The following RRM2B variants were observed in gnomAD, a reference collection of about 807,000 sequenced individuals.
The protein encoded by RRM2B is ribonucleotide reductase regulatory TP53 inducible subunit M2B.
In RRM2B, 20 loss-of-function variants were observed where a neutral mutation model predicts 45.9. The observed-to-expected ratio is 0.44, with a 90% CI of 0.31 to 0.63. RRM2B has a LOEUF of 0.63. RRM2B is among the 30% of genes least tolerant of loss of function. RRM2B has a pLI of 0.09. For missense variants in RRM2B, 320 were observed against 414.7 expected, an observed-to-expected ratio of 0.77 and a Z score of 1.98; for synonymous variants, 124 against 132.3, an observed-to-expected ratio of 0.94 and a Z score of 0.43.
intron 5 of RRM2B, among the ~76,000 whole-genome samples, chr8:102,223,695 CA>C (rs764014539): frequency 0.28 from 21,407 of 75,146 alleles, 757 homozygotes; most frequent in Non-Finnish European, 0.31. Context: ...GACTCCGTCT[CA>C]AAAAAAAAAA....
At chr8:102,238,621 G>T (rs1372610523) in intron 1 of RRM2B, 1 of 1,530,904 alleles carries the variant, frequency 6.5e-7, no homozygotes, top group Admixed American at 2.0e-5. Flanking sequence ...CGAGCGGGAC[G>T]CAAACCCAAA....
chr8:102,228,525 G>C (rs28498487), intron 2 of RRM2B, among the ~76,000 whole-genome samples: 5,442 of 152,340 alleles, frequency 0.036, 164 homozygotes, highest in African/African-American at 0.083. Flanking sequence ...AAAAGGCAGA[G>C]GGCCCACTGA....
At chr8:102,222,040 A>C (rs1244626979) in intron 5 of RRM2B, among the ~76,000 whole-genome samples, 1 of 152,050 alleles carries the variant, frequency 6.6e-6, no homozygotes, top group Non-Finnish European at 1.5e-5. Context: ...GATGACTTTT[A>C]CATATATTGA....
Position 102,205,019 on chromosome 8 carries a change from G to A in RRM2B, c.*3114C>T, listed in dbSNP as rs535958433. ...TTACAAAGGAGCAGAGCACTTAAAG[G>A]GAAATGGTGGGAAACAAAGAGATTT... On this transcript the variant is annotated 3_prime_UTR_variant, in exon 9 of 9. Coordinates refer to ENST00000251810, the MANE Select transcript of RRM2B (RefSeq NM_015713.5). 1.3e-5 allele frequency: 2 copies of A among 152,224 alleles called. No homozygotes were observed. The highest frequency in any genetic ancestry group is 6.5e-5 in the Admixed American group (1 of 15,302). The allele number at this position is 152,224 out of a possible 1,614,324, so 9.4% of individuals were successfully genotyped here. A position where few individuals can be genotyped will look rare whatever the true frequency, so the allele number is the denominator to read the frequency against.
chr8:102,207,976 A>T lies in RRM2B; in HGVS notation c.*157T>A. The T allele has an allele frequency of 1.6e-6, 1 of 616,860 alleles. No homozygotes were observed. The highest frequency in any genetic ancestry group is 2.8e-6 in the Non-Finnish European group (1 of 352,160). The allele number at this position is 616,860 out of a possible 1,614,324, so 38.2% of individuals were successfully genotyped here. ...CACACTCTTGTTGTTAAACAGGAAA[A>T]TTATATAAATGCAAATTGTTTAGAA... On this transcript the variant is annotated 3_prime_UTR_variant, in exon 9 of 9. Coordinates refer to ENST00000251810, the MANE Select transcript of RRM2B (RefSeq NM_015713.5).
intron 2 of RRM2B, among the ~76,000 whole-genome samples, chr8:102,226,777 G>A (rs892573608): frequency 1.3e-5 from 2 of 152,164 alleles, no homozygotes; most frequent in Non-Finnish European, 2.9e-5. Context: ...GCAGTGGCAT[G>A]ATCTTGGCTC....
intron 1 of RRM2B, among the ~76,000 whole-genome samples, chr8:102,237,441 G>T (rs1811140026): frequency 6.6e-6 from 1 of 152,188 alleles, no homozygotes; most frequent in African/African-American, 2.4e-5. Flanking sequence ...GATTCACTAT[G>T]TTTGGGGTGT....
chr8:102,233,889 T>C (rs574996059), intron 1 of RRM2B, among the ~76,000 whole-genome samples: 126 of 152,304 alleles, frequency 8.3e-4, no homozygotes, highest in African/African-American at 2.0e-3. Context: ...AGTGTGATCA[T>C]AGATCACTGC....
intron 2 of RRM2B, among the ~76,000 whole-genome samples, chr8:102,226,693 T>C (rs1327419103): frequency 6.6e-6 from 1 of 152,202 alleles, no homozygotes; most frequent in East Asian, 1.9e-4. Context: ...CATCCAGAAG[T>C]AATGCCAGGC....
Position 102,214,070 on chromosome 8 carries a change from G to A in RRM2B, c.773C>T (p.Ala258Val), listed in dbSNP as rs1810682702. 2 of 1,611,414 alleles carry A rather than the reference G, an allele frequency of 1.2e-6. No homozygotes were observed. Among genetic ancestry groups the A allele is most frequent in the Non-Finnish European group, 1.7e-6 (2 of 1,177,820 alleles). ...EERVREIIVD[A>V]VKIEQEFLTE... ...CCGGTTTACCTGCTCAATTTTGACA[G>A]CATCAACAATGATCTCCCTGACCCT... Residue 258 changes from alanine (A) to valine (V), a missense_variant, in exon 7 of 9, where the codon GCT becomes GTT. By Grantham distance (64) the Ala-to-Val change is moderately conservative (BLOSUM62 0). Transcript: ENST00000251810.
At chr8:102,227,689 T>G (rs1810956177) in intron 2 of RRM2B, among the ~76,000 whole-genome samples, 2 of 152,290 alleles carry the variant, frequency 1.3e-5, no homozygotes, top group South Asian at 4.1e-4. Flanking sequence ...ACAGCATACT[T>G]TTATTTTTCT....
chr8:102,219,601 T>C (rs968195712), intron 5 of RRM2B, among the ~76,000 whole-genome samples: 2 of 152,204 alleles, frequency 1.3e-5, no homozygotes, highest in African/African-American at 4.8e-5. Context: ...TAGAAATCCA[T>C]CTCCTATTAA....
rs564526134 is a variant in RRM2B, at chr8:102,221,851, G to A, written c.550+2195C>T. On this transcript the variant is annotated intron_variant, in intron 5 of 8. Transcript: ENST00000251810. ...ACCTACCCATACTAATATTTTCAGC[G>A]TATATGGAACACTCTGCCTCTTCCC... is the stretch of plus-strand genomic sequence containing the variant. 2.4e-4 allele frequency among the ~76,000 whole-genome samples: 37 copies of A among 152,162 alleles called. No individual in the cohort carries two copies. In the South Asian group the frequency reaches 4.8e-3, roughly 20 times the overall value.
chr8:102,224,315 A>G (rs113965634), intron 4 of RRM2B, among the ~76,000 whole-genome samples, 175 bp from the exon 5 acceptor site: 5,341 of 151,884 alleles, frequency 0.035, 163 homozygotes, highest in Admixed American at 0.085. Context: ...CCGAGTAGCT[A>G]GGACGACAGG....
chr8:102,209,898 C>T (rs923822653), intron 8 of RRM2B, among the ~76,000 whole-genome samples: 3 of 152,118 alleles, frequency 2.0e-5, no homozygotes, highest in Non-Finnish European at 1.5e-5. Flanking sequence ...TATATGATTC[C>T]ATTTGTATGA....
chr8:102,212,532 T>C (rs1810652908), intron 8 of RRM2B, among the ~76,000 whole-genome samples: 1 of 152,226 alleles, frequency 6.6e-6, no homozygotes, highest in African/African-American at 2.4e-5. Flanking sequence ...AATATACAGC[T>C]ACAATTATTG....
In RRM2B at chr8:102,238,813, A is replaced by G; in HGVS notation, c.48+14T>C. The G allele has an allele frequency of 1.9e-6, 3 of 1,613,816 alleles. No homozygotes were observed. In the East Asian group the frequency reaches 6.7e-5, roughly 36 times the overall value. ...TGACTGCGGTGAGGGGGAAGACGCA[A>G]CAGCAACATTTACCTCATCCTGATC... On this transcript the variant is annotated intron_variant, in intron 1 of 8. Transcript: ENST00000251810.
intron 5 of RRM2B, among the ~76,000 whole-genome samples, chr8:102,221,901 T>G (rs1810843254): frequency 6.6e-6 from 1 of 152,142 alleles, no homozygotes; most frequent in Non-Finnish European, 1.5e-5. Context: ...AAGCCAGCAT[T>G]TCCCAAAGTG....
rs1454840835 is a variant in RRM2B, at chr8:102,232,387, G to A, written c.49-83C>T. The A allele has an allele frequency of 2.9e-6, 4 of 1,396,732 alleles. No homozygotes were observed. The African/African-American group carries it at 4.3e-5, about 15-fold the overall frequency. 86.5% of individuals were successfully genotyped at this position (1,396,732 alleles called of 1,614,324 possible). On this transcript the variant is annotated intron_variant, in intron 1 of 8. Coordinates refer to ENST00000251810, the MANE Select transcript of RRM2B (RefSeq NM_015713.5). Reference sequence around the variant, plus strand: ...CCTAAACATACATCTAAGGAAGTCAGGGAGACGGCATTGGTTTGAGAGCCT... The same window carrying A: ...CCTAAACATACATCTAAGGAAGTCAAGGAGACGGCATTGGTTTGAGAGCCT...
Sources: gnomAD v4.1 joint callset for allele counts (sites outside exome capture counted in the v4.1 genomes callset) on GRCh38, gnomAD v4.1.1 for gene constraint, MANE v1.5 for transcripts, NCBI Gene and HGNC (gene_info 2026-07-23, HGNC 2026-07-21) for gene names.